Variants in DYRK3 observed in about 807,000 individuals in gnomAD.
DYRK3 encodes the protein dual specificity tyrosine phosphorylation regulated kinase 3.
DYRK3 carries 30 observed loss-of-function variants against 40.8 expected under a neutral mutation model. The ratio of observed to expected loss-of-function variants is 0.74; its 90% CI spans 0.55 to 1.00. DYRK3 has a LOEUF of 1.00. Among genes scored for constraint, DYRK3 ranks in the 50% least tolerant of loss-of-function variants. The pLI is 0.00. For missense variants in DYRK3, 699 were observed against 731.5 expected (o/e 0.96, Z 0.51); for synonymous variants, 272 against 260.7 (o/e 1.04, Z -0.42).
chr1:206,642,130 A>G lies in DYRK3; in HGVS notation c.189+4369A>G, dbSNP rs549306344. Among the ~76,000 whole-genome samples the G allele has an allele frequency of 2.8e-3, 424 of 150,782 alleles. 31 individuals are homozygous for G. The highest frequency in any genetic ancestry group is 1.0e-2 in the African/African-American group (404 of 40,460). On this transcript the variant is annotated intron_variant, in intron 2 of 2. Coordinates refer to ENST00000367109, the MANE Select transcript of DYRK3 (RefSeq NM_003582.4). Reference sequence around the variant, plus strand: ...AAAAGTGGGCAAGGAATATGAACAGACACTTCTCAAAAGAAGACATTGATG... The same window carrying G: ...AAAAGTGGGCAAGGAATATGAACAGGCACTTCTCAAAAGAAGACATTGATG...
At position 206,645,735 on chromosome 1, in the gene DYRK3, C is replaced by T. The variant is rs546380934; in HGVS notation, c.190-1653C>T. Among the ~76,000 whole-genome samples, 239 of 151,562 alleles carry T rather than the reference C, an allele frequency of 1.6e-3. 5 individuals are homozygous for T. The highest frequency in any genetic ancestry group is 5.5e-3 in the African/African-American group (229 of 41,304). Reference sequence around the variant, plus strand: ...AGAGGTGGGGTTTTGCCATGTTGGCCAGCCTGGTCTCAAACTTCTGGCCTC... The same window carrying T: ...AGAGGTGGGGTTTTGCCATGTTGGCTAGCCTGGTCTCAAACTTCTGGCCTC... On this transcript the variant is annotated intron_variant, in intron 2 of 2. Transcript: ENST00000367109.
At chr1:206,636,002 T>G (rs1671095455) in intron 1 of DYRK3, 1 of 1,427,322 alleles carries the variant, frequency 7.0e-7, no homozygotes, top group Non-Finnish European at 9.2e-7. Context: ...AGAGCGGAGT[T>G]AGAGCAAGAA....
At chr1:206,643,148 T>G (rs986795900) in intron 2 of DYRK3, among the ~76,000 whole-genome samples, 1 of 151,880 alleles carries the variant, frequency 6.6e-6, no homozygotes, top group Non-Finnish European at 1.5e-5. Flanking sequence ...GCAGATGTAG[T>G]GGGGATGGTG....
At chr1:206,636,091 G>A (rs199532824) in intron 1 of DYRK3, 4 of 1,495,048 alleles carry the variant, frequency 2.7e-6, no homozygotes, top group South Asian at 1.1e-5. Flanking sequence ...AGGACTTTTT[G>A]TGGGGCTTTT....
In DYRK3 at chr1:206,647,938, A is replaced by G. The variant is rs1317304062; in HGVS notation, c.740A>G (p.His247Arg). 2 of 1,614,186 alleles carry G rather than the reference A, an allele frequency of 1.2e-6. No homozygotes were observed. The highest frequency in any genetic ancestry group is 4.5e-5 in the East Asian group (2 of 44,876). The change falls in exon 3 of 3, where the codon CAT becomes CGT. Residue 247 changes from histidine to arginine, a missense_variant. Coordinates refer to ENST00000367109, the MANE Select transcript of DYRK3 (RefSeq NM_003582.4). Reference protein sequence around the residue: ...LKMVRNEKRFHRQAAEEIRIL... With the variant: ...LKMVRNEKRFRRQAAEEIRIL... ...ATGGTGCGCAATGAGAAGCGCTTTC[A>G]TCGTCAAGCAGCTGAGGAGATCCGG...
intron 2 of DYRK3, among the ~76,000 whole-genome samples, chr1:206,639,349 A>G (rs1671210068): frequency 6.6e-6 from 1 of 151,932 alleles, no homozygotes; most frequent in African/African-American, 2.4e-5. Context: ...AACCATATAC[A>G]TCTTGTGTTG....
rs1671585431 is a variant in DYRK3 at position 206,649,887 on chromosome 1, C to T, written c.*922C>T. On this transcript the variant is annotated 3_prime_UTR_variant, in exon 3 of 3. Transcript: ENST00000367109. ...TAAACCTTACTACAGTTTAAAAATG[C>T]TTCCCTCTTCTCTTTACAGCTACCT... 6.6e-6 allele frequency among the ~76,000 whole-genome samples: 1 copy of T among 152,070 alleles called. No individual in the cohort carries two copies. Among genetic ancestry groups the T allele is most frequent in the Non-Finnish European group, 1.5e-5 (1 of 68,010 alleles).
In DYRK3 at chr1:206,652,896, T is replaced by C. The variant is rs1671667817; in HGVS notation, c.*3931T>C. On this transcript the variant is annotated 3_prime_UTR_variant, in exon 3 of 3. Coordinates refer to ENST00000367109, the MANE Select transcript of DYRK3 (RefSeq NM_003582.4). ...GCCATTTTTCTTCTAGTCATTTCAG[T>C]CAAACTGGTTAGGTTAGGTGACTTA... Among the ~76,000 whole-genome samples, 1 of 152,254 alleles carries C rather than the reference T, an allele frequency of 6.6e-6. No individual in the cohort carries two copies. Among genetic ancestry groups the C allele is most frequent in the South Asian group, 2.1e-4 (1 of 4,836 alleles).
intron 2 of DYRK3, among the ~76,000 whole-genome samples, chr1:206,646,255 C>A (rs1671452037): frequency 6.6e-6 from 1 of 152,130 alleles, no homozygotes; most frequent in Admixed American, 6.6e-5. Flanking sequence ...CACATAGTTA[C>A]CCTTTTTTTG....
At chr1:206,639,103 T>C (rs1332819776) in intron 2 of DYRK3, among the ~76,000 whole-genome samples, 4 of 152,080 alleles carry the variant, frequency 2.6e-5, no homozygotes, top group Non-Finnish European at 4.4e-5. Flanking sequence ...CTGGTCTAAC[T>C]CCTGACCTTA....
In DYRK3 at chr1:206,651,236, A is replaced by T. The variant is rs139799576; in HGVS notation, c.*2271A>T. Among the ~76,000 whole-genome samples, 1,367 of 152,320 alleles carry T rather than the reference A, an allele frequency of 9.0e-3. 24 individuals are homozygous for T. Among genetic ancestry groups the T allele is most frequent in the African/African-American group, 0.031 (1,305 of 41,564 alleles). ...TCAAGGGAGGTCTTGAAACTGCCTC[A>T]TCTACCTCATGATCTGCTAGTCGAG... is the stretch of plus-strand genomic sequence containing the variant. On this transcript the variant is annotated 3_prime_UTR_variant, in exon 3 of 3. Coordinates refer to ENST00000367109, the MANE Select transcript of DYRK3 (RefSeq NM_003582.4).
At chr1:206,640,229 C>G (rs1558555699) in intron 2 of DYRK3, among the ~76,000 whole-genome samples, 1 of 152,112 alleles carries the variant, frequency 6.6e-6, no homozygotes, top group African/African-American at 2.4e-5. Context: ...AGCCACCACG[C>G]CTGGCTGTCT....
At chr1:206,636,884 C>T (rs1671127925) in intron 1 of DYRK3, 1 of 1,607,868 alleles carries the variant, frequency 6.2e-7, no homozygotes, top group African/African-American at 1.3e-5. Flanking sequence ...GTGGTGGAGC[C>T]ACAGTGTTAA....
chr1:206,637,312 T>G (rs782682617), intron 1 of DYRK3, among the ~76,000 whole-genome samples: 4 of 152,240 alleles, frequency 2.6e-5, no homozygotes, highest in Admixed American at 6.5e-5. Flanking sequence ...TCTGGTCTGT[T>G]TTTTTCTCTG....
chr1:206,639,960 A>C (rs1396872622), intron 2 of DYRK3, among the ~76,000 whole-genome samples: 1 of 121,244 alleles, frequency 8.2e-6, no homozygotes, highest in East Asian at 2.4e-4. Flanking sequence ...TTTGAGACCG[A>C]GTCTCGCTCT....
chr1:206,639,465 A>ATTTTTTT (rs11400833), intron 2 of DYRK3, among the ~76,000 whole-genome samples: 1 of 118,536 alleles, frequency 8.4e-6, no homozygotes, highest in African/African-American at 3.2e-5. Flanking sequence ...ATTTTAACTG[A>ATTTTTTT]TTTTTTTTTT....
At chr1:206,642,099 C>T (rs1160334083) in intron 2 of DYRK3, among the ~76,000 whole-genome samples, 1 of 150,418 alleles carries the variant, frequency 6.6e-6, no homozygotes, top group African/African-American at 2.5e-5. Context: ...TCAAACAGCC[C>T]CATCAAAAAG....
chr1:206,636,543 A>C (rs561415532), intron 1 of DYRK3, among the ~76,000 whole-genome samples: 23 of 152,322 alleles, frequency 1.5e-4, no homozygotes, highest in African/African-American at 4.8e-4. Flanking sequence ...GAATGTGAGC[A>C]TGTTTTTAAA....
rs1162711394 is a variant in DYRK3, at chr1:206,651,882, C to T, written c.*2917C>T. 6.6e-6 allele frequency among the ~76,000 whole-genome samples: 1 copy of T among 152,210 alleles called. No homozygotes were observed. Among genetic ancestry groups the T allele is most frequent in the Non-Finnish European group, 1.5e-5 (1 of 68,042 alleles). On this transcript the variant is annotated 3_prime_UTR_variant, in exon 3 of 3. Coordinates refer to ENST00000367109, the MANE Select transcript of DYRK3 (RefSeq NM_003582.4). ...TTGCATTTTATATCAACATTAGCAG[C>T]CTGTTCCCACTCAGGTGCTGTCCAA...
Sources: gnomAD v4.1 joint callset for allele counts (sites outside exome capture counted in the v4.1 genomes callset) on GRCh38, gnomAD v4.1.1 for gene constraint, MANE v1.5 for transcripts, NCBI Gene and HGNC (gene_info 2026-07-23, HGNC 2026-07-21) for gene names.